Variants in DTD1 observed in about 807,000 individuals in gnomAD.
The protein encoded by DTD1 is D-tyrosyl-tRNA deacylase 1 homolog.
A neutral mutation model predicts 25.6 loss-of-function variants in DTD1; 13 were observed. That is an observed-to-expected ratio of 0.51 (90% CI 0.33 to 0.81). The LOEUF is 0.81. Among genes scored for constraint, DTD1 ranks in the 30% least tolerant of loss-of-function variants. The pLI is 0.02. For missense variants in DTD1, 193 were observed against 266.4 expected (o/e 0.72, Z 1.92); for synonymous variants, 110 against 103.6 (o/e 1.06, Z -0.37).
intron 3 of DTD1, among the ~76,000 whole-genome samples, chr20:18,611,703 G>T (rs2060687146): frequency 6.6e-6 from 1 of 152,062 alleles, no homozygotes; most frequent in Non-Finnish European, 1.5e-5. Context: ...TGATGCATGT[G>T]CCCACAGCAG....
intron 4 of DTD1, among the ~76,000 whole-genome samples, chr20:18,641,745 T>A (rs2122337599): frequency 6.6e-6 from 1 of 152,328 alleles, no homozygotes; most frequent in East Asian, 1.9e-4. Flanking sequence ...AGAAGTTCTT[T>A]ATGTATTCTG....
intron 4 of DTD1, among the ~76,000 whole-genome samples, chr20:18,734,073 T>C (rs1048384410): frequency 6.6e-6 from 1 of 152,220 alleles, no homozygotes; most frequent in Non-Finnish European, 1.5e-5. Flanking sequence ...TAAATTCCAA[T>C]TGTGTTTTAA....
chr20:18,734,449 C>T (rs924482812), intron 4 of DTD1, among the ~76,000 whole-genome samples: 5 of 152,190 alleles, frequency 3.3e-5, no homozygotes, highest in African/African-American at 1.2e-4. Flanking sequence ...AATCCATTCC[C>T]GAAGATGTCT....
intron 3 of DTD1, among the ~76,000 whole-genome samples, chr20:18,626,458 C>T (rs6075379): frequency 0.48 from 73,139 of 152,060 alleles, 18,020 homozygotes; most frequent in Middle Eastern, 0.54. Flanking sequence ...GCAGCATAAG[C>T]GTGTCTAACA....
At chr20:18,667,612 A>T (rs116400326) in intron 4 of DTD1, among the ~76,000 whole-genome samples, 1 of 152,184 alleles carries the variant, frequency 6.6e-6, no homozygotes, top group African/African-American at 2.4e-5. Flanking sequence ...TGTTGATCCA[A>T]TGAAGGCATT....
At chr20:18,651,333 G>T (rs1452901606) in intron 4 of DTD1, among the ~76,000 whole-genome samples, 1 of 152,076 alleles carries the variant, frequency 6.6e-6, no homozygotes, top group African/African-American at 2.4e-5. Context: ...TGTATTTTTA[G>T]TAGAGAGGGG....
intron 5 of DTD1, among the ~76,000 whole-genome samples, chr20:18,755,793 G>A (rs1248054047): frequency 6.6e-6 from 1 of 152,022 alleles, no homozygotes; most frequent in African/African-American, 2.4e-5. Context: ...CCCAGTAATG[G>A]GATGGCTGGG....
chr20:18,640,140 G>A (rs1774846867), intron 4 of DTD1, among the ~76,000 whole-genome samples: 1 of 146,490 alleles, frequency 6.8e-6, no homozygotes, highest in Non-Finnish European at 1.5e-5. Flanking sequence ...ATTACTACTT[G>A]AAAAAAAATT....
chr20:18,643,336 G>A, intron 4 of DTD1: 1 of 262,716 alleles, frequency 3.8e-6, no homozygotes. Context: ...ACACCGTCTG[G>A]CTTCTCTACC....
intron 4 of DTD1, among the ~76,000 whole-genome samples, chr20:18,664,619 CAGGAACTCAGTTGA>C (rs2060924572): frequency 6.6e-6 from 1 of 152,160 alleles, no homozygotes; most frequent in African/African-American, 2.4e-5. Flanking sequence ...GGATTTGGCT[CAGGAACTCAGTTGA>C]AGCTGTGGAC....
chr20:18,588,687 A>G (rs148811060), intron 1 of DTD1: 1 of 980,074 alleles, frequency 1.0e-6, no homozygotes, highest in Admixed American at 6.2e-5. Context: ...CCCCCTGCCC[A>G]GGACGCCCCT....
At chr20:18,646,412 C>T (rs138933817) in intron 4 of DTD1, among the ~76,000 whole-genome samples, 1 of 152,296 alleles carries the variant, frequency 6.6e-6, no homozygotes, top group East Asian at 1.9e-4. Flanking sequence ...CCATCTGTCT[C>T]TCTGTTAAAG....
chr20:18,742,747 G>A (rs1368429389), intron 4 of DTD1, among the ~76,000 whole-genome samples: 2 of 152,158 alleles, frequency 1.3e-5, no homozygotes, highest in Non-Finnish European at 2.9e-5. Flanking sequence ...TTGATTTCCT[G>A]GACCCAATTG....
intron 4 of DTD1, among the ~76,000 whole-genome samples, chr20:18,712,310 T>C (rs1234768899): frequency 2.0e-5 from 3 of 150,504 alleles, no homozygotes; most frequent in African/African-American, 7.3e-5. Flanking sequence ...TCATAAACAT[T>C]AGCAATTGTG....
intron 4 of DTD1, among the ~76,000 whole-genome samples, chr20:18,694,231 A>G (rs2061060960): frequency 1.3e-5 from 2 of 152,210 alleles, no homozygotes; most frequent in Admixed American, 6.5e-5. Context: ...AAATTCTTAC[A>G]TCATAAATGT....
Position 18,628,238 on chromosome 20 carries a change from G to A in DTD1, c.477+5G>A. 5 of 1,611,594 alleles carry A rather than the reference G, an allele frequency of 3.1e-6. No individual in the cohort carries two copies. Among genetic ancestry groups the A allele is most frequent in the Non-Finnish European group, 4.2e-6 (5 of 1,178,126 alleles). On this transcript the variant is annotated splice_donor_5th_base_variant and intron_variant, in intron 4 of 5. Transcript: ENST00000377452. ...GCTACCTCTGACCCAAAGCAGGTAA[G>A]CCTGGAGTCTGGTGCCTGGCTCCGT...
chr20:18,735,331 G>A (rs2061251440), intron 4 of DTD1, among the ~76,000 whole-genome samples: 1 of 152,248 alleles, frequency 6.6e-6, no homozygotes, highest in East Asian at 1.9e-4. Flanking sequence ...AACAGGGTGT[G>A]CTGTCCTGGA....
At chr20:18,609,130 G>T (rs1360850843) in intron 3 of DTD1, among the ~76,000 whole-genome samples, 1 of 151,516 alleles carries the variant, frequency 6.6e-6, no homozygotes, top group East Asian at 2.0e-4. Context: ...ACACCCTTTT[G>T]TAGACAGTTA....
intron 4 of DTD1, among the ~76,000 whole-genome samples, chr20:18,645,173 A>G (rs2060845941): frequency 6.6e-6 from 1 of 152,196 alleles, no homozygotes; most frequent in Non-Finnish European, 1.5e-5. Flanking sequence ...CAATGAATCA[A>G]TCAATCAATC....
Sources: allele counts gnomAD v4.1 joint callset (sites outside exome capture counted in the v4.1 genomes callset), GRCh38; gene constraint gnomAD v4.1.1; transcripts MANE v1.5; gene names NCBI Gene and HGNC (gene_info 2026-07-23, HGNC 2026-07-21).